LONP2: variants seen among roughly 807,000 people sequenced by gnomAD.
LONP2 encodes lon protease homolog 2, peroxisomal.
LONP2 carries 60 observed loss-of-function variants against 85.6 expected under a neutral mutation model. The observed-to-expected ratio is 0.70, with a 90% CI of 0.57 to 0.87. The LOEUF is 0.87. LONP2 is among the 40% of genes least tolerant of loss of function. The probability of loss-of-function intolerance (pLI) is 0.00; values close to 1 mark genes in which losing one functional copy is unlikely to be tolerated. For missense variants in LONP2, 860 were observed against 1,063.5 expected (o/e 0.81, Z 2.66); for synonymous variants, 395 against 389.7 (o/e 1.01, Z -0.16).
chr16:48,354,630 T>TATG lies in LONP2; in HGVS notation c.*2830_*2832dup, dbSNP rs1960269753. 6.6e-6 allele frequency: 1 copy of TATG among 152,272 alleles called. No individual in the cohort carries two copies. Among genetic ancestry groups the TATG allele is most frequent in the African/African-American group, 2.4e-5 (1 of 41,442 alleles). 9.4% of individuals were successfully genotyped at this position (152,272 alleles called of 1,614,324 possible). A position where few individuals can be genotyped will look rare whatever the true frequency, so the allele number is the denominator to read the frequency against. ...CACTTTCTTTCTGAATTTCCCTTCA[T>TATG]ATGAGTGGGATCAAACAAGAGTTGT... On this transcript the variant is annotated 3_prime_UTR_variant, in exon 15 of 15. Transcript: ENST00000285737.
chr16:48,310,580 G>GGCC (rs1432650292), intron 11 of LONP2, among the ~76,000 whole-genome samples: 32 of 152,248 alleles, frequency 2.1e-4, no homozygotes, highest in African/African-American at 7.2e-4. Flanking sequence ...TCGAACTCCT[G>GGCC]ACCTCAGGTG....
intron 8 of LONP2, among the ~76,000 whole-genome samples, chr16:48,294,838 T>A (rs1275411930): frequency 2.0e-5 from 3 of 152,244 alleles, no homozygotes; most frequent in African/African-American, 7.2e-5. Context: ...CTTATATAGT[T>A]AAATTGTGGT....
intron 11 of LONP2, among the ~76,000 whole-genome samples, chr16:48,309,531 A>C (rs1412071461): frequency 1.3e-5 from 2 of 152,210 alleles, no homozygotes; most frequent in Non-Finnish European, 2.9e-5. Flanking sequence ...AGTGTGGAAT[A>C]ATAGACACAA....
At chr16:48,305,799 C>T (rs951653886) in intron 11 of LONP2, among the ~76,000 whole-genome samples, 10 of 152,282 alleles carry the variant, frequency 6.6e-5, no homozygotes, top group Admixed American at 5.2e-4. Flanking sequence ...AAAATTTTGT[C>T]AGCATCTCTT....
chr16:48,251,524 G>C (rs576350843), intron 1 of LONP2, among the ~76,000 whole-genome samples: 2 of 152,148 alleles, frequency 1.3e-5, no homozygotes, highest in Non-Finnish European at 2.9e-5. Flanking sequence ...TCTTTCTTTA[G>C]CTCTCCTCAG....
intron 7 of LONP2, among the ~76,000 whole-genome samples, chr16:48,275,521 G>A (rs1044902971): frequency 2.0e-5 from 3 of 152,162 alleles, no homozygotes; most frequent in Non-Finnish European, 4.4e-5. Flanking sequence ...TATGGGGCCA[G>A]TAAGTGCTGT....
intron 3 of LONP2, among the ~76,000 whole-genome samples, chr16:48,258,030 G>T (rs1027963678): frequency 6.6e-6 from 1 of 152,194 alleles, no homozygotes; most frequent in Non-Finnish European, 1.5e-5. Flanking sequence ...CGTCAACTGT[G>T]TGTCTGGTTT....
At chr16:48,308,645 AAGTC>A (rs1361004437) in intron 11 of LONP2, among the ~76,000 whole-genome samples, 12 of 151,484 alleles carry the variant, frequency 7.9e-5, no homozygotes, top group African/African-American at 2.9e-4. Flanking sequence ...AAAAAAAAAA[AAGTC>A]AACTCAAGAT....
intron 10 of LONP2, among the ~76,000 whole-genome samples, chr16:48,301,564 G>A (rs919458001): frequency 8.6e-5 from 13 of 152,032 alleles, no homozygotes; most frequent in African/African-American, 3.1e-4. Flanking sequence ...GAACCAGGGA[G>A]GTGGAGGTTG....
chr16:48,244,576 C>A lies in LONP2; in HGVS notation c.188C>A (p.Thr63Lys). The change falls in exon 1 of 15, where the codon ACG becomes AAG. Residue 63 changes from threonine to lysine, a missense_variant. By Grantham distance (78) the Thr-to-Lys change is moderately conservative. Around this residue, in one of 3 missense-constraint regions of LONP2, gnomAD observed 743 missense variants for 917.3 expected, o/e 0.81. Coordinates refer to ENST00000285737, the MANE Select transcript of LONP2 (RefSeq NM_031490.5). ...ACCATCCTGGGCGTCATCCCCAACA[C>A]GCCTGACCCCGCCAGCGACGCGCAG... ...QSTILGVIPNTPDPASDAQDL... is the reference protein window; with the variant it reads ...QSTILGVIPNKPDPASDAQDL... 2.0e-6 allele frequency: 3 copies of A among 1,503,346 alleles called. No homozygotes were observed. The South Asian group carries it at 3.7e-5, about 19-fold the overall frequency. 93.1% of individuals were successfully genotyped at this position (1,503,346 alleles called of 1,614,324 possible).
chr16:48,272,864 A>G (rs1157099540), intron 7 of LONP2, among the ~76,000 whole-genome samples: 1 of 152,108 alleles, frequency 6.6e-6, no homozygotes, highest in Non-Finnish European at 1.5e-5. Context: ...GCACGTGGAG[A>G]GTAGTGGGGT....
chr16:48,331,884 C>A (rs539348841), intron 11 of LONP2, among the ~76,000 whole-genome samples: 1 of 152,192 alleles, frequency 6.6e-6, no homozygotes, highest in Non-Finnish European at 1.5e-5. Context: ...TTTTAATTCT[C>A]ACAGCAATTC....
chr16:48,352,943 C>G lies in LONP2; in HGVS notation c.*1141C>G, dbSNP rs1960196569. 1 of 152,326 alleles carries G rather than the reference C, an allele frequency of 6.6e-6. No individual in the cohort carries two copies. The highest frequency in any genetic ancestry group is 3.4e-3 in the Middle Eastern group (1 of 294). The allele number at this position is 152,326 out of a possible 1,614,324, so 9.4% of individuals were successfully genotyped here. A position where few individuals can be genotyped will look rare whatever the true frequency, so the allele number is the denominator to read the frequency against. On this transcript the variant is annotated 3_prime_UTR_variant, in exon 15 of 15. Coordinates refer to ENST00000285737, the MANE Select transcript of LONP2 (RefSeq NM_031490.5). The stretch of plus-strand genomic sequence containing the variant: ...TGGTAGATGTCCATGCCCATGTGCT[C>G]CTGCTGGGACTCAATTCAGGCTATG...
rs1355686057 is a variant in LONP2, at chr16:48,313,403, T to TACA, written c.1795+10098_1795+10099insACA. Among the ~76,000 whole-genome samples, 211 of 152,306 alleles carry TACA rather than the reference T, an allele frequency of 1.4e-3. 1 individual carries two copies. The highest frequency in any genetic ancestry group is 4.9e-3 in the African/African-American group (204 of 41,566). On this transcript the variant is annotated intron_variant, in intron 11 of 14. Coordinates refer to ENST00000285737, the MANE Select transcript of LONP2 (RefSeq NM_031490.5). ...TAGGTAAACATGTGCCATGGTGGTT[T>TACA]GCTGCACAGATAATCCATCACCCAG...
At position 48,321,578 on chromosome 16, in the gene LONP2, G is replaced by A. The variant is rs74017914; in HGVS notation, c.1796-12638G>A. On this transcript the variant is annotated intron_variant, in intron 11 of 14. Coordinates refer to ENST00000285737, the MANE Select transcript of LONP2 (RefSeq NM_031490.5). Reference sequence around the variant, plus strand: ...ATTTTGTCATTGTGGAAACATCATAGAGTGTACTTACACAAACCTAGATGG... The same window carrying A: ...ATTTTGTCATTGTGGAAACATCATAAAGTGTACTTACACAAACCTAGATGG... Among the ~76,000 whole-genome samples, 841 of 152,250 alleles carry A rather than the reference G, an allele frequency of 5.5e-3. 6 individuals carry two copies. The highest frequency in any genetic ancestry group is 0.019 in the African/African-American group (790 of 41,552).
At chr16:48,327,830 A>G (rs568207515) in intron 11 of LONP2, among the ~76,000 whole-genome samples, 52 of 152,360 alleles carry the variant, frequency 3.4e-4, no homozygotes, top group African/African-American at 1.2e-3. Flanking sequence ...CACTTATATG[A>G]AATATAATAG....
At chr16:48,298,622 TTGAGG>T (rs1169018090) in intron 9 of LONP2, among the ~76,000 whole-genome samples, 6 of 128,114 alleles carry the variant, frequency 4.7e-5, no homozygotes, top group African/African-American at 1.8e-4. Context: ...GCTTATTTAA[TTGAGG>T]TGTGTGTGTG....
downstream of LONP2, chr16:48,361,494 A>T (rs1348713584): frequency 5.2e-6 from 7 of 1,357,984 alleles, no homozygotes; most frequent in South Asian, 4.7e-5. Flanking sequence ...CTACCGAAAG[A>T]GTTTTAGGTT....
chr16:48,277,334 C>T lies in LONP2; in HGVS notation c.1242-4C>T, dbSNP rs751510242. On this transcript the variant is annotated splice_polypyrimidine_tract_variant and splice_region_variant and intron_variant, in intron 7 of 14. Coordinates refer to ENST00000285737, the MANE Select transcript of LONP2 (RefSeq NM_031490.5). ...ACTGTGAATGTGCTACTTGCTTTCT[C>T]TAGGCGCACCTATGTTGGCAGCATG... is the stretch of plus-strand genomic sequence containing the variant. 1 of 1,612,164 alleles carries T rather than the reference C, an allele frequency of 6.2e-7. No homozygotes were observed. Among genetic ancestry groups the T allele is most frequent in the East Asian group, 2.2e-5 (1 of 44,844 alleles).
Sources: gnomAD v4.1 joint callset for allele counts (sites outside exome capture counted in the v4.1 genomes callset) on GRCh38, gnomAD v4.1.1 for gene constraint, gnomAD v4.1.1 regional missense constraint, MANE v1.5 for transcripts, NCBI Gene and HGNC (gene_info 2026-07-23, HGNC 2026-07-21) for gene names.